NFIL3: variants seen among roughly 807,000 people sequenced by gnomAD.
The protein encoded by NFIL3 is nuclear factor interleukin-3-regulated protein.
NFIL3 carries 5 observed loss-of-function variants against 10.0 expected under a neutral mutation model. The ratio of observed to expected loss-of-function variants is 0.50; its 90% CI spans 0.26 to 1.06. The LOEUF (loss-of-function observed/expected upper bound fraction) is 1.06. NFIL3 is among the 50% of genes least tolerant of loss of function. The pLI is 0.13. For synonymous variants in NFIL3, 202 were observed against 206.5 expected (o/e 0.98, Z 0.19); for missense variants, 436 against 547.6 (o/e 0.80, Z 2.03).
the NFIL3 span, among the ~76,000 whole-genome samples, chr9:91,468,444 G>T: frequency 6.6e-6 from 1 of 152,118 alleles, no homozygotes; most frequent in Non-Finnish European, 1.5e-5. Context: ...TTAGCCCTTT[G>T]TCCGATGAGT....
At chr9:91,463,853 T>C in the NFIL3 span, among the ~76,000 whole-genome samples, 1 of 152,160 alleles carries the variant, frequency 6.6e-6, no homozygotes. Context: ...GTTAGATACA[T>C]ATACATTTAA....
chr9:91,435,806 C>T, the NFIL3 span, among the ~76,000 whole-genome samples: 1 of 152,178 alleles, frequency 6.6e-6, no homozygotes, highest in Non-Finnish European at 1.5e-5. Context: ...CTATGCATGC[C>T]AGGTACTATC....
Position 91,410,866 on chromosome 9 carries a change from G to A in NFIL3, c.-132C>T, listed in dbSNP as rs1394190214. Reference sequence around the variant, plus strand: ...TTGTTCTACCGTCTGGGATAAATCCGTCAGGCTCCTTATTGAATGAAGTTG... The same window carrying A: ...TTGTTCTACCGTCTGGGATAAATCCATCAGGCTCCTTATTGAATGAAGTTG... On this transcript the variant is annotated 5_prime_UTR_variant, in exon 2 of 2. It adds an upstream start codon to the 5' untranslated region. Transcript: ENST00000297689. This position sits in a 1 kb window ranked among gnomAD's most constrained non-coding sequence, Gnocchi z 5.7. 9 of 946,250 alleles carry A rather than the reference G, an allele frequency of 9.5e-6. No individual in the cohort carries two copies. The East Asian group carries it at 1.1e-4, about 11-fold the overall frequency. 58.6% of individuals were successfully genotyped at this position (946,250 alleles called of 1,614,324 possible).
At chr9:91,412,123 ACCCCACAC>A (rs1833564870) in intron 1 of NFIL3, among the ~76,000 whole-genome samples, 1 of 105,932 alleles carries the variant, frequency 9.4e-6, no homozygotes, top group African/African-American at 4.0e-5. Flanking sequence ...AAAAAAAAAA[ACCCCACAC>A]AAAACAAAAA....
the NFIL3 span, among the ~76,000 whole-genome samples, chr9:91,440,292 G>A: frequency 6.6e-6 from 1 of 151,900 alleles, no homozygotes; most frequent in African/African-American, 2.4e-5. Context: ...CAATTTGTTT[G>A]GCATATAATT....
chr9:91,449,321 A>T, the NFIL3 span, among the ~76,000 whole-genome samples: 1 of 152,174 alleles, frequency 6.6e-6, no homozygotes, highest in African/African-American at 2.4e-5. Context: ...GCCATAGAGT[A>T]TAATGTTAGC....
At position 91,410,767 on chromosome 9, in the gene NFIL3, G is replaced by T; in HGVS notation, c.-33C>A. On this transcript the variant is annotated 5_prime_UTR_variant, in exon 2 of 2. Coordinates refer to ENST00000297689, the MANE Select transcript of NFIL3 (RefSeq NM_005384.3). This position sits in a 1 kb window ranked among gnomAD's most constrained non-coding sequence, Gnocchi z 5.7. ...AACCTTACCCTATCTATGTGTGTAG[G>T]AGAACAAATTAATTTCCCCGTATTC... The T allele has an allele frequency of 6.6e-7, 1 of 1,520,144 alleles. No homozygotes were observed. The highest frequency in any genetic ancestry group is 8.8e-7 in the Non-Finnish European group (1 of 1,137,900). The allele number at this position is 1,520,144 out of a possible 1,614,324, so 94.2% of individuals were successfully genotyped here. A position where few individuals can be genotyped will look rare whatever the true frequency, so the allele number is the denominator to read the frequency against.
the NFIL3 span, among the ~76,000 whole-genome samples, chr9:91,447,969 C>T: frequency 6.6e-6 from 1 of 152,104 alleles, no homozygotes; most frequent in Non-Finnish European, 1.5e-5. Context: ...TGGTTTAGCT[C>T]TCATAATTAG....
chr9:91,443,307 T>G, the NFIL3 span, among the ~76,000 whole-genome samples: 7 of 152,360 alleles, frequency 4.6e-5, 1 homozygote, highest in South Asian at 2.1e-4. Flanking sequence ...CTGGAACTGA[T>G]AGCCTGGCCC....
At chr9:91,424,186 C>T (rs1833834750), upstream of NFIL3, among the ~76,000 whole-genome samples, 1 of 152,082 alleles carries the variant, frequency 6.6e-6, no homozygotes, top group Non-Finnish European at 1.5e-5. Flanking sequence ...CCCCCCGTCC[C>T]ACCGCCCCGT....
chr9:91,409,367 G>A lies in NFIL3; in HGVS notation c.1368C>T (p.Ile456=), dbSNP rs1833492344. The A allele has an allele frequency of 6.3e-7, 1 of 1,581,016 alleles. No homozygotes were observed. Among genetic ancestry groups the A allele is most frequent in the Non-Finnish European group, 8.6e-7 (1 of 1,165,546 alleles). ...SLKRLIATQP[I]SASDSG Reference sequence around the variant, plus strand: ...TAATTTACCCAGAGTCTGAAGCAGAGATTGGTTGTGTGGCTATAAGTCTCT... The same window carrying A: ...TAATTTACCCAGAGTCTGAAGCAGAAATTGGTTGTGTGGCTATAAGTCTCT... Residue 456 remains isoleucine, a synonymous_variant, in exon 2 of 2, where the codon ATC becomes ATT. Coordinates refer to ENST00000297689, the MANE Select transcript of NFIL3 (RefSeq NM_005384.3).
At chr9:91,474,604 T>A in the NFIL3 span, among the ~76,000 whole-genome samples, 4 of 152,228 alleles carry the variant, frequency 2.6e-5, no homozygotes, top group African/African-American at 7.2e-5. Flanking sequence ...GCAGGAGTGA[T>A]GGCTTCTTAG....
At chr9:91,424,190 G>C (rs1464422362), upstream of NFIL3, among the ~76,000 whole-genome samples, 2 of 151,952 alleles carry the variant, frequency 1.3e-5, no homozygotes, top group Non-Finnish European at 2.9e-5. Flanking sequence ...CCGTCCCACC[G>C]CCCCGTCCGC....
intron 1 of NFIL3, among the ~76,000 whole-genome samples, chr9:91,416,485 A>G (rs773122524): frequency 1.3e-5 from 2 of 152,226 alleles, no homozygotes; most frequent in Non-Finnish European, 2.9e-5. Context: ...ATCTTTTCAA[A>G]TCAACATCTA....
At chr9:91,440,271 C>G in the NFIL3 span, among the ~76,000 whole-genome samples, 1 of 152,052 alleles carries the variant, frequency 6.6e-6, no homozygotes, top group Non-Finnish European at 1.5e-5. Flanking sequence ...TAATCCAACT[C>G]TTAAGTCATC....
upstream of NFIL3, among the ~76,000 whole-genome samples, chr9:91,424,730 G>T (rs1461629802): frequency 6.6e-6 from 1 of 152,350 alleles, no homozygotes; most frequent in East Asian, 1.9e-4. Context: ...GGCGTTCCTC[G>T]GAGGATGTGA....
chr9:91,468,974 C>T, the NFIL3 span, among the ~76,000 whole-genome samples: 2 of 152,138 alleles, frequency 1.3e-5, no homozygotes, highest in African/African-American at 2.4e-5. Context: ...AGTGATGTCT[C>T]CAGCTTTGTT....
rs200413160 is a variant in NFIL3 at position 91,409,960 on chromosome 9, G to A, written c.775C>T (p.Pro259Ser). ...GNSFSGYSHSPPLLQVNRSSS... is the reference protein window; with the variant it reads ...GNSFSGYSHSSPLLQVNRSSS... ...GATCGGTTGACTTGCAGTAGTGGGG[G>A]AGAGTGTGAGTACCCAGAGAAAGAA... is the stretch of plus-strand genomic sequence containing the variant. Residue 259 changes from proline (P) to serine (S), a missense_variant, in exon 2 of 2, where the codon CCC becomes TCC. By Grantham distance (74) the Pro-to-Ser change is moderately conservative (BLOSUM62 -1). This residue lies in a region of NFIL3 where 338 missense variants were observed against 399.9 expected (regional missense o/e 0.85). Transcript: ENST00000297689. 3 of 1,613,716 alleles carry A rather than the reference G, an allele frequency of 1.9e-6. No individual in the cohort carries two copies. The highest frequency in any genetic ancestry group is 1.7e-5 in the Admixed American group (1 of 60,018).
the NFIL3 span, among the ~76,000 whole-genome samples, chr9:91,470,399 G>A: frequency 2.1e-4 from 14 of 67,202 alleles, no homozygotes; most frequent in African/African-American, 1.2e-3. Context: ...ATTTTTTATT[G>A]TGTCTATTTG....
Sources: allele counts gnomAD v4.1 joint callset (sites outside exome capture counted in the v4.1 genomes callset), GRCh38; gene constraint gnomAD v4.1.1; regional missense constraint gnomAD v4.1.1; non-coding constraint Gnocchi (gnomAD v3.1); transcripts MANE v1.5; gene names NCBI Gene and HGNC (gene_info 2026-07-23, HGNC 2026-07-21).